The following ARHGAP10 variants were observed in gnomAD, a reference collection of about 807,000 sequenced individuals.
ARHGAP10 encodes the protein rho GTPase-activating protein 10.
Under a neutral mutation model 108.6 loss-of-function variants are expected in ARHGAP10, and 87 were observed. That is an observed-to-expected ratio of 0.80 (90% confidence interval 0.67 to 0.96). ARHGAP10 has a LOEUF of 0.96. Ranked by LOEUF, ARHGAP10 falls within the 40% of genes least tolerant of loss-of-function variation. ARHGAP10 has a pLI of 0.00. For synonymous variants in ARHGAP10, 347 were observed against 341.1 expected, an observed-to-expected ratio of 1.02 and a Z score of -0.19; for missense variants, 939 against 954.5, an observed-to-expected ratio of 0.98 and a Z score of 0.21.
intron 10 of ARHGAP10, among the ~76,000 whole-genome samples, chr4:147,890,011 A>G (rs763901759): frequency 1.1e-4 from 17 of 152,230 alleles, no homozygotes; most frequent in Non-Finnish European, 2.4e-4. Context: ...CTGAGGCACG[A>G]GACAGCATAT....
At chr4:147,880,543 A>T (rs967424273) in intron 9 of ARHGAP10, among the ~76,000 whole-genome samples, 1 of 152,226 alleles carries the variant, frequency 6.6e-6, no homozygotes, top group Admixed American at 6.5e-5. Flanking sequence ...AATGATAAAT[A>T]TGTTATGGAA....
intron 10 of ARHGAP10, among the ~76,000 whole-genome samples, chr4:147,894,801 T>G (rs529924330): frequency 4.5e-4 from 69 of 152,330 alleles, no homozygotes; most frequent in African/African-American, 1.6e-3. Flanking sequence ...CTCATTTAAT[T>G]GTTTTGGCAC....
chr4:147,933,406 G>A (rs1254776921), intron 13 of ARHGAP10, among the ~76,000 whole-genome samples: 37 of 152,142 alleles, frequency 2.4e-4, no homozygotes. Context: ...GAATGCTCTC[G>A]ATGCTTGTGA....
At chr4:147,835,126 C>T (rs2126802381) in intron 3 of ARHGAP10, among the ~76,000 whole-genome samples, 1 of 152,256 alleles carries the variant, frequency 6.6e-6, no homozygotes, top group South Asian at 2.1e-4. Flanking sequence ...TGAGTGCCTA[C>T]TATGAGCCAC....
intron 18 of ARHGAP10, among the ~76,000 whole-genome samples, chr4:147,970,154 G>T (rs924326612): frequency 6.6e-6 from 1 of 152,164 alleles, no homozygotes; most frequent in African/African-American, 2.4e-5. Context: ...CAGAGTCCAG[G>T]CTCTGCTATG....
At chr4:147,988,234 A>T (rs956785880) in intron 18 of ARHGAP10, among the ~76,000 whole-genome samples, 1 of 152,190 alleles carries the variant, frequency 6.6e-6, no homozygotes, top group Non-Finnish European at 1.5e-5. Flanking sequence ...ACCTGAGCCT[A>T]TTGGTTGACT....
chr4:147,998,823 A>G (rs1322924796), intron 18 of ARHGAP10, among the ~76,000 whole-genome samples: 1 of 152,230 alleles, frequency 6.6e-6, no homozygotes, highest in Non-Finnish European at 1.5e-5. Flanking sequence ...TATATCTTAA[A>G]ATTTGTATTT....
chr4:148,072,247 T>G lies in ARHGAP10; in HGVS notation c.*166T>G. 5.2e-6 allele frequency: 3 copies of G among 577,372 alleles called. No homozygotes were observed. The highest frequency in any genetic ancestry group is 9.1e-6 in the Non-Finnish European group (3 of 329,086). 35.8% of individuals were successfully genotyped at this position (577,372 alleles called of 1,614,324 possible). On this transcript the variant is annotated 3_prime_UTR_variant, in exon 23 of 23. Coordinates refer to ENST00000336498, the MANE Select transcript of ARHGAP10 (RefSeq NM_024605.4). ...GGGGGTGGGGGGTGGTGGGCAGGGATGGGACGCACCACACAGAACTGTGAT... is the reference window on the plus strand; with the variant it reads ...GGGGGTGGGGGGTGGTGGGCAGGGAGGGGACGCACCACACAGAACTGTGAT...
chr4:147,908,199 A>G (rs1368661931), intron 11 of ARHGAP10, among the ~76,000 whole-genome samples: 1 of 152,152 alleles, frequency 6.6e-6, no homozygotes, highest in Admixed American at 6.6e-5. Context: ...AATCAAGAGT[A>G]TTTACAGTGT....
intron 18 of ARHGAP10, among the ~76,000 whole-genome samples, chr4:148,003,989 A>G (rs1363947533): frequency 8.7e-6 from 1 of 114,302 alleles, no homozygotes; most frequent in African/African-American, 5.0e-5. Flanking sequence ...GGGAGGAACT[A>G]CGTGGTTTTC....
At chr4:147,975,836 A>G (rs1382839306) in intron 18 of ARHGAP10, among the ~76,000 whole-genome samples, 1 of 152,192 alleles carries the variant, frequency 6.6e-6, no homozygotes, top group African/African-American at 2.4e-5. Flanking sequence ...TCACCAGAAT[A>G]ATGTTACGTG....
intron 1 of ARHGAP10, among the ~76,000 whole-genome samples, chr4:147,733,982 G>A (rs1191574589): frequency 7.7e-6 from 1 of 130,622 alleles, no homozygotes; most frequent in Non-Finnish European, 1.6e-5. Context: ...CTTGGCATCT[G>A]GTATGTGTGT....
chr4:147,874,167 G>C (rs540407906), intron 7 of ARHGAP10, among the ~76,000 whole-genome samples: 2 of 152,188 alleles, frequency 1.3e-5, no homozygotes, highest in East Asian at 3.9e-4. Flanking sequence ...TTTTATTGTA[G>C]GGAGGAAAGA....
intron 1 of ARHGAP10, among the ~76,000 whole-genome samples, chr4:147,741,168 A>G (rs1728641887): frequency 1.3e-5 from 2 of 152,130 alleles, no homozygotes; most frequent in Non-Finnish European, 2.9e-5. Context: ...CTACCTATGC[A>G]TTTTTTGGAT....
intron 5 of ARHGAP10, chr4:147,864,146 C>G (rs1480939981): frequency 1.3e-5 from 2 of 152,340 alleles, no homozygotes; most frequent in East Asian, 3.9e-4. Context: ...AGTTCTCTCT[C>G]CACTATTCTC....
intron 5 of ARHGAP10, chr4:147,863,090 A>C (rs1734395890): frequency 6.6e-6 from 1 of 152,240 alleles, no homozygotes; most frequent in African/African-American, 2.4e-5. Context: ...ATAAAACGTG[A>C]ATAAAATTTC....
At chr4:147,845,993 C>G (rs1733615533) in intron 3 of ARHGAP10, among the ~76,000 whole-genome samples, 1 of 152,154 alleles carries the variant, frequency 6.6e-6, no homozygotes, top group Non-Finnish European at 1.5e-5. Flanking sequence ...AAGATGATCC[C>G]TTTTCCCTGA....
In ARHGAP10 at chr4:147,870,944, G is replaced by A. The variant is rs906204549; in HGVS notation, c.703-4077G>A. On this transcript the variant is annotated intron_variant, in intron 7 of 22. Transcript: ENST00000336498. ...AACTACAGACTGTGTGTGTGTGTGT[G>A]TGTGTGTGTGTGTGTGTGTGTGTGT... is the stretch of plus-strand genomic sequence containing the variant. Among the ~76,000 whole-genome samples, 288 of 114,464 alleles carry A rather than the reference G, an allele frequency of 2.5e-3. 4 individuals are homozygous for A. The East Asian group carries it at 0.058, about 23-fold the overall frequency. The allele number at this position is 114,464 out of a possible 152,430, so 75.1% of individuals were successfully genotyped here. A position where few individuals can be genotyped will look rare whatever the true frequency, so the allele number is the denominator to read the frequency against.
intron 19 of ARHGAP10, among the ~76,000 whole-genome samples, chr4:148,026,300 C>T (rs1741763250): frequency 6.6e-6 from 1 of 152,184 alleles, no homozygotes; most frequent in Non-Finnish European, 1.5e-5. Context: ...AGTCAGCAAG[C>T]CTGTTAGCAT....
Sources: gnomAD v4.1 joint callset for allele counts (sites outside exome capture counted in the v4.1 genomes callset) on GRCh38, gnomAD v4.1.1 for gene constraint, MANE v1.5 for transcripts, NCBI Gene and HGNC (gene_info 2026-07-23, HGNC 2026-07-21) for gene names.